Variants in NR1I2 observed in about 807,000 individuals in gnomAD.
The protein encoded by NR1I2 is nuclear receptor subfamily 1 group I member 2.
Under a neutral mutation model 43.3 loss-of-function variants are expected in NR1I2, and 42 were observed. That is an observed-to-expected ratio of 0.97 (90% CI 0.76 to 1.26). The LOEUF (loss-of-function observed/expected upper bound fraction) is 1.26, where lower values mean the gene tolerates loss of function less well. Among genes scored for constraint, NR1I2 ranks in the 50% most tolerant of loss-of-function variants. The pLI, the probability that NR1I2 is intolerant of heterozygous loss-of-function variation, is 0.00. For missense variants in NR1I2, 559 were observed against 566.7 expected (o/e 0.99, Z 0.14); for synonymous variants, 229 against 215.0 (o/e 1.06, Z -0.57).
At chr3:119,803,259 T>C (rs1019679976) in intron 1 of NR1I2, among the ~76,000 whole-genome samples, 2 of 151,322 alleles carry the variant, frequency 1.3e-5, no homozygotes, top group Non-Finnish European at 2.9e-5. Flanking sequence ...GTCCAGGAGA[T>C]AGAGGCTGCA....
At chr3:119,815,912 C>A in intron 8 of NR1I2, 81 bp downstream of exon 8, 2 of 1,204,762 alleles carry the variant, frequency 1.7e-6, no homozygotes, top group Non-Finnish European at 2.4e-6. Context: ...GACTTCATGG[C>A]CAGAGGGTGG....
At position 119,815,449 on chromosome 3, in the gene NR1I2, TC is replaced by T. The variant is rs761659368; in HGVS notation, c.1054+14del. 1 of 1,600,532 alleles carries T rather than the reference TC, an allele frequency of 6.2e-7. No homozygotes were observed. Among genetic ancestry groups the T allele is most frequent in the Admixed American group, 1.7e-5 (1 of 60,006 alleles). On this transcript the variant is annotated intron_variant, in intron 7 of 8. Coordinates refer to ENST00000393716, the MANE Select transcript of NR1I2 (RefSeq NM_003889.4). ...TCCCTCTTCTCCCCAGGTGAGGATC[TC>T]CCCTAGGCTGCCTGACATCCCCCCC...
chr3:119,790,255 G>A (rs139066288), intron 1 of NR1I2, among the ~76,000 whole-genome samples: 90 of 152,038 alleles, frequency 5.9e-4, no homozygotes, highest in African/African-American at 2.0e-3. Flanking sequence ...TTTTTTTAAG[G>A]CTGACTCATA....
At chr3:119,814,866 C>A in intron 5 of NR1I2, 113 bp from the exon 6 acceptor site, 1 of 1,323,414 alleles carries the variant, frequency 7.6e-7, no homozygotes, top group Non-Finnish European at 1.1e-6. Context: ...GGGAAAGGAG[C>A]CATCCTCCCT....
intron 1 of NR1I2, among the ~76,000 whole-genome samples, chr3:119,789,001 A>C (rs907965524): frequency 1.3e-5 from 2 of 152,146 alleles, no homozygotes; most frequent in African/African-American, 4.8e-5. Flanking sequence ...AGACCTACTG[A>C]ATGGGAATTT....
intron 5 of NR1I2, 91 bp downstream of exon 5, chr3:119,813,051 G>A: frequency 7.1e-7 from 1 of 1,403,214 alleles, no homozygotes; most frequent in Non-Finnish European, 9.9e-7. Flanking sequence ...TGAATTTGGG[G>A]GATATTGGTG....
At chr3:119,810,908 A>G (rs2055231787) in intron 3 of NR1I2, among the ~76,000 whole-genome samples, 3 of 152,208 alleles carry the variant, frequency 2.0e-5, no homozygotes, top group Admixed American at 2.0e-4. Context: ...CCAGAAATCC[A>G]CAGAAGACCC....
intron 1 of NR1I2, among the ~76,000 whole-genome samples, chr3:119,786,239 G>A (rs535209942): frequency 1.3e-5 from 2 of 152,254 alleles, no homozygotes; most frequent in East Asian, 3.9e-4. Flanking sequence ...TGTTTGTTGA[G>A]CCATCAGACT....
chr3:119,807,099 C>G, intron 1 of NR1I2, 130 bp from the exon 2 acceptor site: 3 of 782,022 alleles, frequency 3.8e-6, no homozygotes, highest in Non-Finnish European at 6.6e-6. Flanking sequence ...TTTTTTTCCC[C>G]ATGAGAGGTC....
At chr3:119,814,772 A>G (rs1440922233) in intron 5 of NR1I2, among the ~76,000 whole-genome samples, 1 of 151,982 alleles carries the variant, frequency 6.6e-6, no homozygotes, top group Non-Finnish European at 1.5e-5. Flanking sequence ...GGAGGGGAGG[A>G]GAGGATGCTG....
rs369432236 is a variant in NR1I2, at chr3:119,815,692, C to A, written c.1055-34C>A. ...GGGCTGGACTGAGCTTGTCTTTGCCCCATGATCTTGCACCACACCTCCCTC... is the reference window on the plus strand; with the variant it reads ...GGGCTGGACTGAGCTTGTCTTTGCCACATGATCTTGCACCACACCTCCCTC... On this transcript the variant is annotated intron_variant, in intron 7 of 8. Coordinates refer to ENST00000393716, the MANE Select transcript of NR1I2 (RefSeq NM_003889.4). 4 of 1,558,866 alleles carry A rather than the reference C, an allele frequency of 2.6e-6. No individual in the cohort carries two copies. The African/African-American group carries it at 5.4e-5, about 21-fold the overall frequency.
chr3:119,798,566 G>T (rs930435144), intron 1 of NR1I2, among the ~76,000 whole-genome samples: 3 of 151,514 alleles, frequency 2.0e-5, no homozygotes, highest in African/African-American at 7.3e-5. Context: ...CGTGAACCCG[G>T]GGGGCGGAGC....
rs1428433468 is a variant in NR1I2, at chr3:119,807,266, A to C, written c.16A>C (p.Lys6Gln). The C allele has an allele frequency of 7.4e-6, 12 of 1,614,094 alleles. No individual in the cohort carries two copies. The African/African-American group carries it at 1.6e-4, about 22-fold the overall frequency. ...AGAAGCAAACCTGGAGGTGAGACCCAAAGAAAGCTGGAACCATGCTGACTT... is the reference window on the plus strand; with the variant it reads ...AGAAGCAAACCTGGAGGTGAGACCCCAAGAAAGCTGGAACCATGCTGACTT... Residue 6 changes from lysine to glutamine, a missense_variant, in exon 2 of 9, where the codon AAA becomes CAA. Lys to Gln is a moderately conservative substitution (Grantham distance 53). Around this residue, in one of 3 missense-constraint regions of NR1I2, gnomAD observed 232 missense variants for 236.6 expected, o/e 0.98. Coordinates refer to ENST00000393716, the MANE Select transcript of NR1I2 (RefSeq NM_003889.4).
chr3:119,789,254 T>C (rs567598068), intron 1 of NR1I2, among the ~76,000 whole-genome samples: 81 of 152,320 alleles, frequency 5.3e-4, no homozygotes, highest in Middle Eastern at 3.4e-3. Context: ...TTCTTCCTGA[T>C]TGTAGTGCTT....
chr3:119,812,129 A>G lies in NR1I2; in HGVS notation c.519+403A>G, dbSNP rs189370148. Among the ~76,000 whole-genome samples, 8 of 152,070 alleles carry G rather than the reference A, an allele frequency of 5.3e-5. No homozygotes were observed. The East Asian group carries it at 1.6e-3, about 29-fold the overall frequency. On this transcript the variant is annotated intron_variant, in intron 4 of 8. Coordinates refer to ENST00000393716, the MANE Select transcript of NR1I2 (RefSeq NM_003889.4). ...TAGGCAGTTCCCCAGTGTTGCTGGCATTCGGGGCTTTATGAGGACAGGATC... is the reference window on the plus strand; with the variant it reads ...TAGGCAGTTCCCCAGTGTTGCTGGCGTTCGGGGCTTTATGAGGACAGGATC...
chr3:119,787,534 A>G (rs1372528388), intron 1 of NR1I2, among the ~76,000 whole-genome samples: 1 of 152,080 alleles, frequency 6.6e-6, no homozygotes, highest in Non-Finnish European at 1.5e-5. Context: ...GTCTCCCTTC[A>G]CTGAACAACG....
chr3:119,806,382 T>C (rs1388572907), intron 1 of NR1I2, among the ~76,000 whole-genome samples: 1 of 152,138 alleles, frequency 6.6e-6, no homozygotes, highest in Non-Finnish European at 1.5e-5. Flanking sequence ...ACCCTCAGGC[T>C]CAAGAGATCC....
At chr3:119,798,216 T>A (rs950122199) in intron 1 of NR1I2, among the ~76,000 whole-genome samples, 2 of 152,186 alleles carry the variant, frequency 1.3e-5, no homozygotes, top group African/African-American at 2.4e-5. Context: ...AATGCTCTTT[T>A]TTGTTTGTTT....
chr3:119,799,339 A>G (rs2055044735), intron 1 of NR1I2, among the ~76,000 whole-genome samples: 2 of 152,130 alleles, frequency 1.3e-5, no homozygotes, highest in African/African-American at 4.8e-5. Flanking sequence ...TCTTTGGTGA[A>G]ATATCTATTT....
Sources: allele counts gnomAD v4.1 joint callset (sites outside exome capture counted in the v4.1 genomes callset), GRCh38; gene constraint gnomAD v4.1.1; regional missense constraint gnomAD v4.1.1; transcripts MANE v1.5; gene names NCBI Gene and HGNC (gene_info 2026-07-23, HGNC 2026-07-21).